CACNA1A: variants seen among roughly 807,000 people sequenced by gnomAD.
The protein encoded by CACNA1A is calcium voltage-gated channel subunit alpha1 A.
Under a neutral mutation model 262.4 loss-of-function variants are expected in CACNA1A, and 57 were observed. The ratio of observed to expected loss-of-function variants is 0.22; its 90% confidence interval spans 0.18 to 0.27. CACNA1A has a LOEUF of 0.27. Among genes scored for constraint, CACNA1A ranks in the 10% least tolerant of loss-of-function variants. CACNA1A has a pLI of 1.00. For synonymous variants in CACNA1A, 1,431 were observed against 1,419.3 expected, an observed-to-expected ratio of 1.01 and a Z score of -0.18; for missense variants, 2,526 against 3,562.8, an observed-to-expected ratio of 0.71 and a Z score of 7.41.
At chr19:13,431,033 T>C (rs1328745987) in intron 3 of CACNA1A, among the ~76,000 whole-genome samples, 1 of 148,376 alleles carries the variant, frequency 6.7e-6, no homozygotes, top group Non-Finnish European at 1.5e-5. Flanking sequence ...GCCGAGTGAG[T>C]GGAGAGGAGA....
intron 27 of CACNA1A, chr19:13,258,238 TTAAAGACAGGTTGTG>T (rs2144751837): frequency 6.6e-6 from 1 of 152,306 alleles, no homozygotes; most frequent in South Asian, 2.1e-4. Flanking sequence ...AAGTTGGGAT[TTAAAGACAGGTTGTG>T]GCAATGGAGG....
chr19:13,212,283 A>G lies in CACNA1A; in HGVS notation c.6190-67T>C. ...ACCTCCAGATCCCTGGTGTCTGCAG[A>G]GGGAGGGAGCTGCAGGTGTGTGTGT... is the stretch of plus-strand genomic sequence containing the variant. On this transcript the variant is annotated intron_variant, in intron 42 of 46. Coordinates refer to ENST00000360228, the MANE Select transcript of CACNA1A (RefSeq NM_001127222.2). The surrounding 1 kb of genome is among the most constrained non-coding windows in gnomAD (Gnocchi z 5.6). The G allele has an allele frequency of 6.4e-7, 1 of 1,568,498 alleles. No homozygotes were observed. Among genetic ancestry groups the G allele is most frequent in the Non-Finnish European group, 8.8e-7 (1 of 1,140,698 alleles).
At chr19:13,499,779 TGC>T (rs1982150162) in intron 1 of CACNA1A, among the ~76,000 whole-genome samples, 1 of 152,200 alleles carries the variant, frequency 6.6e-6, no homozygotes, top group Non-Finnish European at 1.5e-5. Context: ...CTCTCCTCTC[TGC>T]CCTCTTTCAG....
chr19:13,293,649 G>T (rs2057595635), intron 19 of CACNA1A, among the ~76,000 whole-genome samples: 1 of 149,728 alleles, frequency 6.7e-6, no homozygotes, highest in Non-Finnish European at 1.5e-5. Context: ...GTAGAGATGG[G>T]GTTTCACCAT....
chr19:13,209,519 G>A, intron 44 of CACNA1A, 21 bp from the exon 45 acceptor site: 1 of 1,286,238 alleles, frequency 7.8e-7, no homozygotes. Flanking sequence ...GGACAGGCCG[G>A]TGGGCTGGGG....
intron 19 of CACNA1A, among the ~76,000 whole-genome samples, chr19:13,295,842 A>AT (rs2057655120): frequency 6.6e-6 from 1 of 151,984 alleles, no homozygotes; most frequent in Non-Finnish European, 1.5e-5. Context: ...AACACAACAT[A>AT]TTTTTTGTAT....
At chr19:13,386,455 T>C (rs1022998598) in intron 3 of CACNA1A, among the ~76,000 whole-genome samples, 1 of 152,128 alleles carries the variant, frequency 6.6e-6, no homozygotes, top group Non-Finnish European at 1.5e-5. Flanking sequence ...GATGCTTTTG[T>C]GTCTGTCTAC....
At chr19:13,494,091 A>G (rs1269079945) in intron 1 of CACNA1A, among the ~76,000 whole-genome samples, 1 of 152,254 alleles carries the variant, frequency 6.6e-6, no homozygotes, top group Non-Finnish European at 1.5e-5. Context: ...GATACTTAAG[A>G]TATGTGACAT....
chr19:13,435,420 C>T (rs75176402), intron 3 of CACNA1A, among the ~76,000 whole-genome samples: 2,967 of 151,968 alleles, frequency 0.02, 93 homozygotes, highest in African/African-American at 0.066. Flanking sequence ...CCAAGCATCT[C>T]GTTATAGCAA....
In CACNA1A at chr19:13,433,460, C is replaced by CAAAAAAAAAAAAA. The variant is rs533297364; in HGVS notation, c.539+19403_539+19415dup. On this transcript the variant is annotated intron_variant, in intron 3 of 46. Transcript: ENST00000360228. ...TCGGCAACAAAGCAAGACGCTGTCT[C>CAAAAAAAAAAAAA]AAAAAAAAAAAAAAAAAAAAAAAGT... Among the ~76,000 whole-genome samples the CAAAAAAAAAAAAA allele has an allele frequency of 1.4e-3, 109 of 76,202 alleles. 6 individuals are homozygous for CAAAAAAAAAAAAA. The highest frequency in any genetic ancestry group is 2.1e-3 in the South Asian group (3 of 1,406). 50.0% of individuals were successfully genotyped at this position (76,202 alleles called of 152,430 possible). A position where few individuals can be genotyped will look rare whatever the true frequency, so the allele number is the denominator to read the frequency against.
In CACNA1A at chr19:13,432,390, G is replaced by A. The variant is rs1160058481; in HGVS notation, c.539+20486C>T. On this transcript the variant is annotated intron_variant, in intron 3 of 46. Transcript: ENST00000360228. ...AGATGGCACCATTGCACTCCAGACTGGGTGACAGAGCGAGACTCCATCTCA... is the reference window on the plus strand; with the variant it reads ...AGATGGCACCATTGCACTCCAGACTAGGTGACAGAGCGAGACTCCATCTCA... 2.0e-5 allele frequency among the ~76,000 whole-genome samples: 3 copies of A among 150,656 alleles called. No individual in the cohort carries two copies. The East Asian group carries it at 5.8e-4, about 29-fold the overall frequency.
At chr19:13,281,003 T>C (rs899783061) in intron 22 of CACNA1A, among the ~76,000 whole-genome samples, 12 of 151,092 alleles carry the variant, frequency 7.9e-5, no homozygotes, top group Admixed American at 1.3e-4. Context: ...ACTCATTTAA[T>C]GCGAAGCATA....
chr19:13,340,816 C>A (rs768053337), intron 6 of CACNA1A, among the ~76,000 whole-genome samples: 3 of 152,104 alleles, frequency 2.0e-5, no homozygotes, highest in African/African-American at 4.8e-5. Flanking sequence ...ATCCCTGGTA[C>A]CTATGAATTG....
Position 13,212,314 on chromosome 19 carries a change from G to A in CACNA1A, c.6189+70C>T, listed in dbSNP as rs1044718131. On this transcript the variant is annotated intron_variant, in intron 42 of 46. Transcript: ENST00000360228. The surrounding 1 kb of genome is among the most constrained non-coding windows in gnomAD (Gnocchi z 5.6). ...GGAGCTGCAGGTGTGTGTGTGTGGG[G>A]GGCCCAGATCCCTTCCACCTGAACC... 1.6e-5 allele frequency: 26 copies of A among 1,578,484 alleles called. No homozygotes were observed. The highest frequency in any genetic ancestry group is 2.3e-5 in the Non-Finnish European group (26 of 1,150,816).
Position 13,506,081 on chromosome 19 carries a change from G to A in CACNA1A, c.144C>T (p.Tyr48=), listed in dbSNP as rs1428994305. 6.2e-7 allele frequency: 1 copy of A among 1,613,668 alleles called. No individual in the cohort carries two copies. Among genetic ancestry groups the A allele is most frequent in the African/African-American group, 1.3e-5 (1 of 74,904 alleles). The change falls in exon 1 of 47, where the codon TAC becomes TAT. Residue 48 remains tyrosine, a synonymous_variant. Transcript: ENST00000360228. ...QGGQPGAQRM[Y]KQSMAQRART... The stretch of plus-strand genomic sequence containing the variant: ...GCGCTCTCTGCGCCATTGACTGCTT[G>A]TACATCCTTTGCGCCCCGGGCTGCC...
At chr19:13,301,697 G>C (rs1179186646) in intron 17 of CACNA1A, among the ~76,000 whole-genome samples, 1 of 152,234 alleles carries the variant, frequency 6.6e-6, no homozygotes, top group East Asian at 1.9e-4. Flanking sequence ...AAAAGGCAAC[G>C]AGAAAGAAAT....
chr19:13,366,743 A>ATT (rs36014393), intron 4 of CACNA1A, among the ~76,000 whole-genome samples: 79 of 150,842 alleles, frequency 5.2e-4, no homozygotes, highest in Non-Finnish European at 9.2e-4. Context: ...CATTTTCTTA[A>ATT]TTTTTTTTTT....
intron 2 of CACNA1A, among the ~76,000 whole-genome samples, chr19:13,454,896 C>G (rs1484154587): frequency 2.6e-5 from 4 of 151,994 alleles, no homozygotes; most frequent in African/African-American, 9.7e-5. Context: ...GAGGTGGAGG[C>G]TGCAGTGAGC....
chr19:13,378,438 G>A (rs1188340244), intron 3 of CACNA1A, among the ~76,000 whole-genome samples: 1 of 152,132 alleles, frequency 6.6e-6, no homozygotes, highest in Non-Finnish European at 1.5e-5. Flanking sequence ...AGCATCTCAT[G>A]CTAGAGAAAT....
Sources: allele counts gnomAD v4.1 joint callset (sites outside exome capture counted in the v4.1 genomes callset), GRCh38; gene constraint gnomAD v4.1.1; non-coding constraint Gnocchi (gnomAD v3.1); transcripts MANE v1.5; gene names NCBI Gene and HGNC (gene_info 2026-07-23, HGNC 2026-07-21).